PPM1E: variants seen among roughly 807,000 people sequenced by gnomAD.
PPM1E encodes the protein protein phosphatase, Mg2+/Mn2+ dependent 1E, also known as protein phosphatase 1E.
A neutral mutation model predicts 65.9 loss-of-function variants in PPM1E; 20 were observed. The ratio of observed to expected loss-of-function variants is 0.30; its 90% CI spans 0.21 to 0.44. The LOEUF is 0.44. Ranked by LOEUF, PPM1E falls within the 20% of genes least tolerant of loss-of-function variation. The pLI, the probability that PPM1E is intolerant of heterozygous loss-of-function variation, is 1.00. For synonymous variants in PPM1E, 352 were observed against 374.9 expected, an observed-to-expected ratio of 0.94 and a Z score of 0.70; for missense variants, 713 against 953.1, an observed-to-expected ratio of 0.75 and a Z score of 3.32.
Position 58,762,297 on chromosome 17 carries a change from G to A in PPM1E, c.464+5836G>A, listed in dbSNP as rs956538852. Among the ~76,000 whole-genome samples the A allele has an allele frequency of 4.0e-5, 6 of 151,846 alleles. No homozygotes were observed. In the South Asian group the frequency reaches 6.2e-4, roughly 16 times the overall value. Reference sequence around the variant, plus strand: ...GCAGATTGCTTGAGTCTTGGAGTTCGAGACCAGACTGGGCAACATGGCAAG... The same window carrying A: ...GCAGATTGCTTGAGTCTTGGAGTTCAAGACCAGACTGGGCAACATGGCAAG... On this transcript the variant is annotated intron_variant, in intron 1 of 6. Transcript: ENST00000308249.
At chr17:58,762,151 T>C (rs866103285) in intron 1 of PPM1E, among the ~76,000 whole-genome samples, 1 of 152,202 alleles carries the variant, frequency 6.6e-6, no homozygotes, top group Non-Finnish European at 1.5e-5. Context: ...TGGATTATAT[T>C]TCCTGGTTTT....
chr17:58,885,778 A>T (rs2051257947), intron 1 of PPM1E, among the ~76,000 whole-genome samples: 1 of 152,172 alleles, frequency 6.6e-6, no homozygotes, highest in Non-Finnish European at 1.5e-5. Flanking sequence ...TAGTGTCCTC[A>T]TGTCTGGAAT....
At chr17:58,973,383 C>T (rs760083362) in intron 6 of PPM1E, among the ~76,000 whole-genome samples, 29 of 148,978 alleles carry the variant, frequency 1.9e-4, no homozygotes, top group Middle Eastern at 3.4e-3. Context: ...CGCCATTGCA[C>T]GCCAGCCTGG....
chr17:58,855,342 A>G (rs2050870727), intron 1 of PPM1E, among the ~76,000 whole-genome samples: 1 of 152,186 alleles, frequency 6.6e-6, no homozygotes, highest in Non-Finnish European at 1.5e-5. Context: ...TCCTTCCCCA[A>G]CTAAGGGGTA....
In PPM1E at chr17:58,972,935, A is replaced by T; in HGVS notation, c.1210+10A>T. The T allele has an allele frequency of 3.1e-6, 5 of 1,608,854 alleles. No individual in the cohort carries two copies. Among genetic ancestry groups the T allele is most frequent in the Non-Finnish European group, 4.3e-6 (5 of 1,176,206 alleles). ...GTTTCCAGAGCTATTGGTAGGAAAA[A>T]CAAATTTTTGTTTCTCCAAACTGTC... On this transcript the variant is annotated intron_variant, in intron 6 of 6. Transcript: ENST00000308249.
intron 1 of PPM1E, among the ~76,000 whole-genome samples, chr17:58,808,919 T>C (rs902934243): frequency 1.3e-5 from 2 of 152,080 alleles, no homozygotes; most frequent in South Asian, 4.1e-4. Flanking sequence ...GTTGACAAAA[T>C]AGAACAATGA....
chr17:58,949,278 C>G (rs2052204118), intron 1 of PPM1E, among the ~76,000 whole-genome samples: 1 of 152,092 alleles, frequency 6.6e-6, no homozygotes, highest in Admixed American at 6.6e-5. Flanking sequence ...TAGCTTTCGA[C>G]TTAAAGTCTG....
chr17:58,878,855 C>T (rs1198273633), intron 1 of PPM1E, among the ~76,000 whole-genome samples: 2 of 150,982 alleles, frequency 1.3e-5, no homozygotes, highest in African/African-American at 4.9e-5. Flanking sequence ...ATCGCTTGAA[C>T]CTGGGAGGCG....
At chr17:58,818,732 G>GC (rs1290341647) in intron 1 of PPM1E, among the ~76,000 whole-genome samples, 26 of 152,268 alleles carry the variant, frequency 1.7e-4, no homozygotes, top group Admixed American at 1.3e-3. Context: ...ATTTTTGAGT[G>GC]CTTCTCTACC....
chr17:58,845,874 T>A (rs2050766139), intron 1 of PPM1E, among the ~76,000 whole-genome samples: 1 of 152,090 alleles, frequency 6.6e-6, no homozygotes, highest in African/African-American at 2.4e-5. Flanking sequence ...AGAGATGGAG[T>A]GTCACCATGT....
Position 58,958,817 on chromosome 17 carries a change from G to A in PPM1E, c.583+3050G>A, listed in dbSNP as rs138890949. ...TTTATTATTTTTTGAGCAGAGTCTC[G>A]CTCTTCCTTCAAGAATCTTCCTCCC... On this transcript the variant is annotated intron_variant, in intron 2 of 6. Coordinates refer to ENST00000308249, the MANE Select transcript of PPM1E (RefSeq NM_014906.5). Among the ~76,000 whole-genome samples the A allele has an allele frequency of 5.8e-3, 879 of 151,596 alleles. 5 individuals carry two copies. The highest frequency in any genetic ancestry group is 9.5e-3 in the African/African-American group (392 of 41,336).
At chr17:58,816,735 AATATAAATATATAT>A (rs2050418400) in intron 1 of PPM1E, among the ~76,000 whole-genome samples, 1 of 111,812 alleles carries the variant, frequency 8.9e-6, no homozygotes, top group East Asian at 3.1e-4. Flanking sequence ...CATGTATCAG[AATATAAATATATAT>A]ATATATATAT....
At chr17:58,940,976 G>C (rs1453338350) in intron 1 of PPM1E, among the ~76,000 whole-genome samples, 1 of 152,190 alleles carries the variant, frequency 6.6e-6, no homozygotes, top group Non-Finnish European at 1.5e-5. Flanking sequence ...CTCCCAAAGT[G>C]TTGGGATTAC....
At position 58,756,192 on chromosome 17, in the gene PPM1E, A is replaced by AC; in HGVS notation, c.198dup (p.Gly67ArgfsTer28). ...AGGCGGCCGAGGCTTCGGTAGAGGA[A>AC]CCCGGGGAGGAGGCGGCCACGGTAG... On this transcript the variant is annotated frameshift_variant, in exon 1 of 7. Coordinates refer to ENST00000308249, the MANE Select transcript of PPM1E (RefSeq NM_014906.5). LOFTEE classifies it high-confidence loss of function. The AC allele has an allele frequency of 6.4e-7, 1 of 1,560,788 alleles. No individual in the cohort carries two copies. The highest frequency in any genetic ancestry group is 1.2e-5 in the South Asian group (1 of 85,308).
At chr17:58,903,949 G>A (rs115717600) in intron 1 of PPM1E, among the ~76,000 whole-genome samples, 2,932 of 152,126 alleles carry the variant, frequency 0.019, 91 homozygotes, top group African/African-American at 0.067. Flanking sequence ...GCAAAGTAAC[G>A]CAGATCTATA....
At chr17:58,802,650 A>G (rs1368093161) in intron 1 of PPM1E, among the ~76,000 whole-genome samples, 1 of 152,160 alleles carries the variant, frequency 6.6e-6, no homozygotes, top group Non-Finnish European at 1.5e-5. Flanking sequence ...TTTTAACAAT[A>G]TTCTTCCAAT....
intron 1 of PPM1E, among the ~76,000 whole-genome samples, chr17:58,778,522 G>A (rs984532063): frequency 6.7e-6 from 1 of 149,286 alleles, no homozygotes; most frequent in Non-Finnish European, 1.5e-5. Flanking sequence ...CAGTTCTCGT[G>A]CCTCAGCCTC....
chr17:58,761,075 G>A (rs1460029850), intron 1 of PPM1E, among the ~76,000 whole-genome samples: 1 of 152,164 alleles, frequency 6.6e-6, no homozygotes, highest in Non-Finnish European at 1.5e-5. Context: ...TGGAGTTTGT[G>A]TTTTGTTTTT....
At chr17:58,862,992 A>T (rs1261287962) in intron 1 of PPM1E, among the ~76,000 whole-genome samples, 1 of 152,224 alleles carries the variant, frequency 6.6e-6, no homozygotes. Context: ...ATTCAAATAC[A>T]CTTAGAGCAG....
Sources: allele counts gnomAD v4.1 joint callset (sites outside exome capture counted in the v4.1 genomes callset), GRCh38; gene constraint gnomAD v4.1.1; transcripts MANE v1.5; gene names NCBI Gene and HGNC (gene_info 2026-07-23, HGNC 2026-07-21).